Variants in CSNK2A2 observed in about 807,000 individuals in gnomAD.
CSNK2A2 encodes casein kinase II subunit alpha'.
A neutral mutation model predicts 54.0 loss-of-function variants in CSNK2A2; 8 were observed. The observed-to-expected ratio is 0.15, with a 90% confidence interval of 0.09 to 0.27. CSNK2A2 has a LOEUF of 0.27. Among genes scored for constraint, CSNK2A2 ranks in the 10% least tolerant of loss-of-function variants. The pLI is 1.00. For missense variants in CSNK2A2, 242 were observed against 439.4 expected (o/e 0.55, Z 4.02); for synonymous variants, 141 against 153.9 (o/e 0.92, Z 0.62).
Position 58,189,370 on chromosome 16 carries a change from TA to T in CSNK2A2, c.217-2515del, listed in dbSNP as rs1373800159. ...CAATACTGGAAAGCAGCTATAGATC[TA>T]TAAGAGTGGTAACAGAGAGGAAAAA... On this transcript the variant is annotated intron_variant, in intron 2 of 11. Transcript: ENST00000262506. Among the ~76,000 whole-genome samples the T allele has an allele frequency of 3.3e-5, 5 of 152,310 alleles. No homozygotes were observed. The East Asian group carries it at 7.7e-4, about 23-fold the overall frequency.
chr16:58,169,515 G>C (rs541329199), intron 5 of CSNK2A2, among the ~76,000 whole-genome samples: 1 of 152,012 alleles, frequency 6.6e-6, no homozygotes, highest in South Asian at 2.1e-4. Flanking sequence ...GGGCAAGAAA[G>C]GCGGGCAGTG....
Position 58,166,640 on chromosome 16 carries a change from C to T in CSNK2A2, c.771G>A (p.Gly257=), listed in dbSNP as rs1961570631. ...AKVLGTEELY[G]YLKKYHIDLD... ...GGTCTATGTGATACTTCTTCAGATA[C>T]CCATACAGTTCTTCTGTACCCAGAA... Residue 257 remains glycine, a synonymous_variant, in exon 9 of 12, where the codon GGG becomes GGA. Transcript: ENST00000262506. 2 of 1,613,714 alleles carry T rather than the reference C, an allele frequency of 1.2e-6. No individual in the cohort carries two copies. Among genetic ancestry groups the T allele is most frequent in the Non-Finnish European group, 8.5e-7 (1 of 1,179,850 alleles).
At chr16:58,194,003 T>C (rs1436501965) in intron 2 of CSNK2A2, among the ~76,000 whole-genome samples, 1 of 152,192 alleles carries the variant, frequency 6.6e-6, no homozygotes, top group East Asian at 1.9e-4. Flanking sequence ...TAATGCAAAT[T>C]AAATGATATA....
At chr16:58,179,433 G>A (rs530001322) in intron 4 of CSNK2A2, among the ~76,000 whole-genome samples, 7 of 151,960 alleles carry the variant, frequency 4.6e-5, no homozygotes, top group African/African-American at 1.4e-4. Flanking sequence ...CCCAGGAGGC[G>A]GAGGTTACAG....
At chr16:58,193,664 G>C (rs1007359665) in intron 2 of CSNK2A2, among the ~76,000 whole-genome samples, 1 of 152,148 alleles carries the variant, frequency 6.6e-6, no homozygotes. Flanking sequence ...GTTGTCAAAG[G>C]TGGCCACTTT....
Position 58,171,969 on chromosome 16 carries a change from ATATATATATATTTTTT to A in CSNK2A2, c.429+2466_429+2481del, listed in dbSNP as rs1254125414. Among the ~76,000 whole-genome samples, 40 of 28,338 alleles carry A rather than the reference ATATATATATATTTTTT, an allele frequency of 1.4e-3. 1 individual carries two copies. In the East Asian group the frequency reaches 0.021, roughly 15 times the overall value. 18.6% of individuals were successfully genotyped at this position (28,338 alleles called of 152,430 possible). ...ACACCTGGAGCATGCATATATATAT[ATATATATATATTTTTT>A]TTTTTTTTTTTTTTTTGGTAGCTAT... On this transcript the variant is annotated intron_variant, in intron 5 of 11. Transcript: ENST00000262506.
intron 11 of CSNK2A2, chr16:58,162,554 G>A (rs865979397): frequency 3.3e-5 from 5 of 152,136 alleles, no homozygotes; most frequent in Non-Finnish European, 7.4e-5. Context: ...ATTGGAATAT[G>A]GAATGTAAAC....
chr16:58,182,566 A>C (rs1168545569), intron 4 of CSNK2A2, among the ~76,000 whole-genome samples: 1 of 151,502 alleles, frequency 6.6e-6, no homozygotes, highest in African/African-American at 2.4e-5. Flanking sequence ...AAAAAAAAAA[A>C]AAAAAAACAA....
At chr16:58,182,582 C>A (rs1013822472) in intron 4 of CSNK2A2, among the ~76,000 whole-genome samples, 23 of 147,778 alleles carry the variant, frequency 1.6e-4, no homozygotes, top group Non-Finnish European at 1.3e-4. Flanking sequence ...AACAAAACCA[C>A]AAAATGCTGA....
At chr16:58,173,723 T>C (rs1389104702) in intron 5 of CSNK2A2, among the ~76,000 whole-genome samples, 1 of 152,242 alleles carries the variant, frequency 6.6e-6, no homozygotes, top group Non-Finnish European at 1.5e-5. Flanking sequence ...TGCAAATGCC[T>C]GCCACCCCTG....
chr16:58,176,520 C>T (rs1961883768), intron 4 of CSNK2A2, among the ~76,000 whole-genome samples: 1 of 152,316 alleles, frequency 6.6e-6, no homozygotes. Context: ...ACATCTGTAA[C>T]ATTTAACCGC....
chr16:58,180,862 C>T (rs1444762221), intron 4 of CSNK2A2, among the ~76,000 whole-genome samples: 1 of 151,830 alleles, frequency 6.6e-6, no homozygotes, highest in Non-Finnish European at 1.5e-5. Flanking sequence ...ATTAAAAAGA[C>T]AAAAAAACAA....
In CSNK2A2 at chr16:58,197,607, C is replaced by A; in HGVS notation, c.104+26G>T. On this transcript the variant is annotated intron_variant, in intron 1 of 11. Coordinates refer to ENST00000262506, the MANE Select transcript of CSNK2A2 (RefSeq NM_001896.4). This position sits in a 1 kb window ranked among gnomAD's most constrained non-coding sequence, Gnocchi z 4.0. ...CGGGCGGGGGCAGGGATCAGCGGGC[C>A]CGGCGGGGGGCGGCGACGGCTTTAC... The A allele has an allele frequency of 4.0e-6, 6 of 1,496,004 alleles. No homozygotes were observed. The highest frequency in any genetic ancestry group is 5.4e-6 in the Non-Finnish European group (6 of 1,107,566). 92.7% of individuals were successfully genotyped at this position (1,496,004 alleles called of 1,614,324 possible).
chr16:58,176,412 T>C (rs546729192), intron 4 of CSNK2A2, among the ~76,000 whole-genome samples: 1 of 152,326 alleles, frequency 6.6e-6, no homozygotes, highest in African/African-American at 2.4e-5. Context: ...ACACCAGTTG[T>C]ACACTAGTGT....
Position 58,186,872 on chromosome 16 carries a change from GT to G in CSNK2A2, c.217-17del, listed in dbSNP as rs1337804402. On this transcript the variant is annotated splice_polypyrimidine_tract_variant and intron_variant, in intron 2 of 11. Coordinates refer to ENST00000262506, the MANE Select transcript of CSNK2A2 (RefSeq NM_001896.4). ...TCTTCACTGGCTTAAATACACAAGA[GT>G]AATCAGAAGTGAGACTCCTTTTGAA... 5 of 1,577,328 alleles carry G rather than the reference GT, an allele frequency of 3.2e-6. No individual in the cohort carries two copies. The highest frequency in any genetic ancestry group is 4.4e-6 in the Non-Finnish European group (5 of 1,148,936).
At chr16:58,175,018 G>A (rs1003562293) in intron 4 of CSNK2A2, among the ~76,000 whole-genome samples, 2 of 152,184 alleles carry the variant, frequency 1.3e-5, no homozygotes, top group Non-Finnish European at 2.9e-5. Flanking sequence ...AGGTGCTATA[G>A]CATTTGCAGA....
At chr16:58,164,953 C>T (rs1435390836) in intron 10 of CSNK2A2, among the ~76,000 whole-genome samples, 1 of 152,216 alleles carries the variant, frequency 6.6e-6, no homozygotes, top group Non-Finnish European at 1.5e-5. Flanking sequence ...CTCAACCTCC[C>T]TGCTCCCCAG....
chr16:58,164,540 A>C (rs1961505634), intron 10 of CSNK2A2, among the ~76,000 whole-genome samples: 1 of 152,218 alleles, frequency 6.6e-6, no homozygotes, highest in African/African-American at 2.4e-5. Context: ...CCATCAGAAG[A>C]CCTATCCATT....
intron 4 of CSNK2A2, among the ~76,000 whole-genome samples, chr16:58,179,002 A>C (rs1284240963): frequency 6.6e-6 from 1 of 152,216 alleles, no homozygotes; most frequent in Non-Finnish European, 1.5e-5. Flanking sequence ...CATTACTGAA[A>C]CAATAATTAT....
Sources: gnomAD v4.1 joint callset for allele counts (sites outside exome capture counted in the v4.1 genomes callset) on GRCh38, gnomAD v4.1.1 for gene constraint, Gnocchi (gnomAD v3.1) non-coding constraint, MANE v1.5 for transcripts, NCBI Gene and HGNC (gene_info 2026-07-23, HGNC 2026-07-21) for gene names.